Variants in ATP8A2 observed in about 807,000 individuals in gnomAD.
ATP8A2 encodes the protein ATPase phospholipid transporting 8A2, also known as phospholipid-transporting ATPase IB.
A neutral mutation model predicts 165.6 loss-of-function variants in ATP8A2; 100 were observed. That is an observed-to-expected ratio of 0.60 (90% CI 0.51 to 0.71). ATP8A2 has a LOEUF of 0.71. ATP8A2 is among the 30% of genes least tolerant of loss of function. The pLI, the probability that ATP8A2 is intolerant of heterozygous loss-of-function variation, is 0.00. For missense variants in ATP8A2, 1,227 were observed against 1,479.5 expected, an observed-to-expected ratio of 0.83 and a Z score of 2.80; for synonymous variants, 543 against 548.8, an observed-to-expected ratio of 0.99 and a Z score of 0.15.
At chr13:25,411,293 G>C (rs891935935) in intron 1 of ATP8A2, among the ~76,000 whole-genome samples, 4 of 152,174 alleles carry the variant, frequency 2.6e-5, no homozygotes, top group African/African-American at 9.7e-5. Flanking sequence ...GAGAATATCA[G>C]GTGTGTTTCC....
chr13:25,512,942 G>A (rs1319113025), intron 2 of ATP8A2, among the ~76,000 whole-genome samples: 66 of 145,614 alleles, frequency 4.5e-4, no homozygotes, highest in African/African-American at 1.5e-3. Context: ...CGGATGGGGC[G>A]GCTGGCCGGG....
intron 33 of ATP8A2, among the ~76,000 whole-genome samples, chr13:25,920,757 G>GAT (rs1174798713): frequency 6.6e-6 from 1 of 152,162 alleles, no homozygotes; most frequent in Non-Finnish European, 1.5e-5. Flanking sequence ...TCTTTATTTT[G>GAT]CTTTTACTTA....
At chr13:25,398,919 A>G (rs960399854) in intron 1 of ATP8A2, among the ~76,000 whole-genome samples, 1 of 151,700 alleles carries the variant, frequency 6.6e-6, no homozygotes, top group Admixed American at 6.6e-5. Context: ...TATGAAAAAA[A>G]AATAATACAG....
At chr13:25,718,442 G>T (rs550602533) in intron 25 of ATP8A2, among the ~76,000 whole-genome samples, 3 of 151,786 alleles carry the variant, frequency 2.0e-5, no homozygotes, top group Non-Finnish European at 2.9e-5. Flanking sequence ...TCATTCTTAC[G>T]TGTGTATCAT....
At chr13:25,422,740 A>G (rs1318654635) in intron 1 of ATP8A2, among the ~76,000 whole-genome samples, 1 of 152,214 alleles carries the variant, frequency 6.6e-6, no homozygotes, top group Non-Finnish European at 1.5e-5. Flanking sequence ...GTAAAGGGAA[A>G]CCAAAGTTTT....
At chr13:25,919,154 G>T (rs1566268494) in intron 33 of ATP8A2, among the ~76,000 whole-genome samples, 1 of 152,156 alleles carries the variant, frequency 6.6e-6, no homozygotes, top group South Asian at 2.1e-4. Context: ...CCTTTAATAT[G>T]TTCTTTTCCA....
chr13:25,824,654 T>C (rs1951269136), intron 27 of ATP8A2, among the ~76,000 whole-genome samples: 1 of 152,210 alleles, frequency 6.6e-6, no homozygotes, highest in African/African-American at 2.4e-5. Context: ...AGAGGAGGCC[T>C]GTATGCCCTA....
At chr13:26,012,670 G>A (rs767804403) in intron 36 of ATP8A2, 48 bp downstream of exon 36, 47 of 1,340,112 alleles carry the variant, frequency 3.5e-5, no homozygotes, top group Non-Finnish European at 4.4e-5. Flanking sequence ...GTCGGTGCGG[G>A]GCGGGGGTTG....
chr13:25,838,357 C>T (rs1350841027), intron 29 of ATP8A2, among the ~76,000 whole-genome samples: 2 of 152,124 alleles, frequency 1.3e-5, no homozygotes, highest in Admixed American at 1.3e-4. Context: ...TTGGTTCTAC[C>T]GTCTCCCACA....
chr13:25,663,599 G>A (rs1218796550), intron 24 of ATP8A2, among the ~76,000 whole-genome samples: 1 of 152,138 alleles, frequency 6.6e-6, no homozygotes, highest in African/African-American at 2.4e-5. Context: ...TTCAAGGATC[G>A]CAGACCAGCT....
At chr13:25,438,175 G>A (rs1352102020) in intron 1 of ATP8A2, among the ~76,000 whole-genome samples, 2 of 152,108 alleles carry the variant, frequency 1.3e-5, no homozygotes, top group East Asian at 3.8e-4. Flanking sequence ...GGTCTGGGTA[G>A]GAGGTTGACA....
At chr13:25,666,146 G>GGAT (rs1293212707) in intron 24 of ATP8A2, among the ~76,000 whole-genome samples, 2 of 151,770 alleles carry the variant, frequency 1.3e-5, no homozygotes, top group South Asian at 4.2e-4. Flanking sequence ...GTGTTTCTTG[G>GGAT]AACATTTTAA....
In ATP8A2 at chr13:26,022,392, G is replaced by T. The variant is rs946267202; in HGVS notation, c.*2407G>T. The T allele has an allele frequency of 1.3e-5, 2 of 152,214 alleles. No individual in the cohort carries two copies. The highest frequency in any genetic ancestry group is 4.8e-5 in the African/African-American group (2 of 41,456). 9.4% of individuals were successfully genotyped at this position (152,214 alleles called of 1,614,324 possible). On this transcript the variant is annotated 3_prime_UTR_variant, in exon 37 of 37. Transcript: ENST00000381655. ...ATCAGAATTATGTATTTAAGTGTGT[G>T]TTTGTGTTTGTTTGGGGTTTTTGTT... is the stretch of plus-strand genomic sequence containing the variant.
rs142904685 is a variant in ATP8A2, at chr13:25,435,957, G to GTGTATGTGTGTGTGTGTGAGTGTGTGTA, written c.77-33017_77-33016insATGTGTGTGTGTGTGAGTGTGTGTATGT. Among the ~76,000 whole-genome samples, 25 of 149,174 alleles carry GTGTATGTGTGTGTGTGTGAGTGTGTGTA rather than the reference G, an allele frequency of 1.7e-4. No homozygotes were observed. In the South Asian group the frequency reaches 5.1e-3, roughly 30 times the overall value. On this transcript the variant is annotated intron_variant, in intron 1 of 36. Coordinates refer to ENST00000381655, the MANE Select transcript of ATP8A2 (RefSeq NM_016529.6). ...AGTGTGTGTGTGTGTGTGTGAGTGT[G>GTGTATGTGTGTGTGTGTGAGTGTGTGTA]TGTGTGTGTGTGTGTATGTGTGTGT...
chr13:25,874,196 A>G (rs1185711179), intron 33 of ATP8A2, among the ~76,000 whole-genome samples: 1 of 152,124 alleles, frequency 6.6e-6, no homozygotes, highest in African/African-American at 2.4e-5. Flanking sequence ...GAGGCTTACC[A>G]CTGCTCCCTT....
At chr13:25,736,060 C>A (rs2043761673) in intron 25 of ATP8A2, among the ~76,000 whole-genome samples, 1 of 152,164 alleles carries the variant, frequency 6.6e-6, no homozygotes, top group African/African-American at 2.4e-5. Context: ...GTTACAATTG[C>A]CTACCATATT....
chr13:25,987,679 G>A (rs1489738918), intron 35 of ATP8A2, among the ~76,000 whole-genome samples: 6 of 152,230 alleles, frequency 3.9e-5, no homozygotes, highest in African/African-American at 1.4e-4. Flanking sequence ...GTGGGGTCAT[G>A]TTTCTTAACC....
intron 24 of ATP8A2, among the ~76,000 whole-genome samples, chr13:25,613,470 A>G (rs1255191339): frequency 1.3e-5 from 2 of 152,174 alleles, no homozygotes; most frequent in Non-Finnish European, 2.9e-5. Context: ...GCTACTTGGG[A>G]GGCTGAGGCA....
chr13:25,698,151 A>C (rs2042873386), intron 24 of ATP8A2, among the ~76,000 whole-genome samples: 1 of 152,160 alleles, frequency 6.6e-6, no homozygotes, highest in Admixed American at 6.5e-5. Context: ...TTATGAGCCC[A>C]AAATTACATT....
Sources: allele counts gnomAD v4.1 joint callset (sites outside exome capture counted in the v4.1 genomes callset), GRCh38; gene constraint gnomAD v4.1.1; transcripts MANE v1.5; gene names NCBI Gene and HGNC (gene_info 2026-07-23, HGNC 2026-07-21).